The following SYT1 variants were observed in gnomAD, a reference collection of about 807,000 sequenced individuals.
SYT1 encodes synaptotagmin-1.
SYT1 carries 8 observed loss-of-function variants against 44.8 expected under a neutral mutation model. That is an observed-to-expected ratio of 0.18 (90% CI 0.10 to 0.32). SYT1 has a LOEUF of 0.32. Ranked by LOEUF, SYT1 falls within the 10% of genes least tolerant of loss-of-function variation. The probability of loss-of-function intolerance (pLI) is 1.00; values close to 1 mark genes in which losing one functional copy is unlikely to be tolerated. For missense variants in SYT1, 286 were observed against 509.3 expected, an observed-to-expected ratio of 0.56 and a Z score of 4.22; for synonymous variants, 154 against 188.8, an observed-to-expected ratio of 0.82 and a Z score of 1.51.
intron 1 of SYT1, among the ~76,000 whole-genome samples, chr12:78,877,684 T>C (rs1347219396): frequency 6.6e-6 from 1 of 151,828 alleles, no homozygotes; most frequent in Non-Finnish European, 1.5e-5. Flanking sequence ...TTTTTTCCTT[T>C]TTGAGACAGA....
At chr12:79,193,535 ACTT>A (rs1873256022) in intron 3 of SYT1, among the ~76,000 whole-genome samples, 1 of 152,146 alleles carries the variant, frequency 6.6e-6, no homozygotes, top group Admixed American at 6.6e-5. Flanking sequence ...GCTTATCATT[ACTT>A]ATTTCCATAC....
At chr12:78,898,947 T>C (rs2137091757) in intron 1 of SYT1, among the ~76,000 whole-genome samples, 1 of 152,236 alleles carries the variant, frequency 6.6e-6, no homozygotes, top group East Asian at 1.9e-4. Context: ...CCAGTAAAGA[T>C]ATAAAATGAC....
intron 2 of SYT1, among the ~76,000 whole-genome samples, chr12:78,984,994 C>T (rs1869536081): frequency 6.6e-6 from 1 of 151,778 alleles, no homozygotes; most frequent in Non-Finnish European, 1.5e-5. Flanking sequence ...AAGAAAGATG[C>T]ATCAAGTGTG....
At chr12:79,170,760 A>G (rs1188967904) in intron 3 of SYT1, among the ~76,000 whole-genome samples, 2 of 152,124 alleles carry the variant, frequency 1.3e-5, no homozygotes, top group Non-Finnish European at 2.9e-5. Context: ...TATCTTCATC[A>G]TGAAATCTTT....
chr12:79,342,679 T>C (rs143437033), intron 8 of SYT1, among the ~76,000 whole-genome samples: 1,650 of 152,324 alleles, frequency 0.011, 27 homozygotes, highest in African/African-American at 0.036. Flanking sequence ...AGAGATTTTA[T>C]GATAAATAAA....
chr12:79,223,367 G>C (rs892935539), intron 4 of SYT1, among the ~76,000 whole-genome samples: 2 of 152,188 alleles, frequency 1.3e-5, no homozygotes, highest in Non-Finnish European at 2.9e-5. Context: ...GGCAGGTGAA[G>C]CACTGGAGTG....
At chr12:79,056,202 C>G (rs1294228853) in intron 3 of SYT1, among the ~76,000 whole-genome samples, 1 of 151,868 alleles carries the variant, frequency 6.6e-6, no homozygotes, top group Non-Finnish European at 1.5e-5. Context: ...TGATTCATAA[C>G]TGTATATAGA....
intron 3 of SYT1, among the ~76,000 whole-genome samples, chr12:79,083,955 A>G (rs910986047): frequency 2.6e-5 from 4 of 152,180 alleles, no homozygotes; most frequent in South Asian, 2.1e-4. Context: ...ACAAATGAGC[A>G]TATCTCCTAA....
Position 79,293,390 on chromosome 12 carries a change from TAAAATAAAATAAAATA to T in SYT1, c.474+1264_474+1279del, listed in dbSNP as rs1565894617. On this transcript the variant is annotated intron_variant, in intron 6 of 10. Coordinates refer to ENST00000261205, the MANE Select transcript of SYT1 (RefSeq NM_005639.3). ...TAAAATAAAATAAAATAAAATAAAA[TAAAATAAAATAAAATA>T]AAATTAAAAAATCTGTAAGACATAG... Among the ~76,000 whole-genome samples, 208 of 68,010 alleles carry T rather than the reference TAAAATAAAATAAAATA, an allele frequency of 3.1e-3. 5 individuals are homozygous for T. In the South Asian group the frequency reaches 0.042, roughly 14 times the overall value. The allele number at this position is 68,010 out of a possible 152,430, so 44.6% of individuals were successfully genotyped here.
At chr12:79,047,258 G>T (rs1874139403) in intron 2 of SYT1, 39 bp from the exon 3 acceptor site, 2 of 151,604 alleles carry the variant, frequency 1.3e-5, no homozygotes, top group East Asian at 3.9e-4. Flanking sequence ...TGAACTATGT[G>T]TAGTCAAGTA....
intron 3 of SYT1, among the ~76,000 whole-genome samples, chr12:79,087,243 C>T (rs1178061554): frequency 6.6e-6 from 1 of 152,080 alleles, no homozygotes; most frequent in Non-Finnish European, 1.5e-5. Flanking sequence ...AATGGAACTT[C>T]AGTGTCAGGT....
intron 4 of SYT1, among the ~76,000 whole-genome samples, chr12:79,279,859 G>A (rs2138806480): frequency 6.6e-6 from 1 of 152,132 alleles, no homozygotes; most frequent in South Asian, 2.1e-4. Context: ...TGATCAAGCT[G>A]AGAATCAAAT....
chr12:79,435,395 C>T (rs1870029199), intron 9 of SYT1, among the ~76,000 whole-genome samples: 1 of 152,178 alleles, frequency 6.6e-6, no homozygotes, highest in Admixed American at 6.5e-5. Context: ...TCTCGAACTT[C>T]TGGGCTCAAG....
At chr12:78,948,017 AT>A (rs1702658517) in intron 1 of SYT1, among the ~76,000 whole-genome samples, 1 of 151,978 alleles carries the variant, frequency 6.6e-6, no homozygotes, top group Admixed American at 6.6e-5. Flanking sequence ...GATATATTGC[AT>A]AAGAAAGGTG....
intron 4 of SYT1, among the ~76,000 whole-genome samples, chr12:79,258,057 A>G (rs1164280358): frequency 1.3e-5 from 2 of 152,122 alleles, no homozygotes; most frequent in Non-Finnish European, 2.9e-5. Context: ...ATGAAGAAGC[A>G]AAATTAATTA....
chr12:78,945,945 CA>C (rs780565229), intron 1 of SYT1, among the ~76,000 whole-genome samples: 44 of 152,136 alleles, frequency 2.9e-4, no homozygotes, highest in Admixed American at 6.5e-4. Flanking sequence ...AAGTCTAGTT[CA>C]AAATATCCAG....
intron 1 of SYT1, among the ~76,000 whole-genome samples, chr12:78,871,272 A>G (rs1363284431): frequency 6.6e-6 from 1 of 152,072 alleles, no homozygotes; most frequent in Non-Finnish European, 1.5e-5. Context: ...TAGATTATTA[A>G]TAATGTATTT....
At chr12:79,398,584 G>A (rs1044454131) in intron 9 of SYT1, among the ~76,000 whole-genome samples, 14 of 152,106 alleles carry the variant, frequency 9.2e-5, no homozygotes, top group Non-Finnish European at 1.3e-4. Flanking sequence ...CTTGACTCTA[G>A]AAGTCAAGAA....
intron 2 of SYT1, among the ~76,000 whole-genome samples, chr12:78,987,006 G>A (rs1442627144): frequency 1.3e-5 from 2 of 151,940 alleles, no homozygotes; most frequent in South Asian, 2.1e-4. Flanking sequence ...CTTTAATAAA[G>A]GGCTCATATC....
Sources: gnomAD v4.1 joint callset for allele counts (sites outside exome capture counted in the v4.1 genomes callset) on GRCh38, gnomAD v4.1.1 for gene constraint, MANE v1.5 for transcripts, NCBI Gene and HGNC (gene_info 2026-07-23, HGNC 2026-07-21) for gene names.